Variants in ACSBG1 observed in about 807,000 individuals in gnomAD.
The protein encoded by ACSBG1 is acyl-CoA synthetase bubblegum family member 1, also known as long-chain-fatty-acid--CoA ligase ACSBG1.
Under a neutral mutation model 80.2 loss-of-function variants are expected in ACSBG1, and 39 were observed. That is an observed-to-expected ratio of 0.49 (90% CI 0.38 to 0.64). ACSBG1 has a LOEUF of 0.64. Among genes scored for constraint, ACSBG1 ranks in the 30% least tolerant of loss-of-function variants. The pLI is 0.00. For missense variants in ACSBG1, 828 were observed against 966.4 expected (o/e 0.86, Z 1.90); for synonymous variants, 392 against 379.5 (o/e 1.03, Z -0.38).
At chr15:78,220,778 T>G (rs1402223622) in intron 1 of ACSBG1, among the ~76,000 whole-genome samples, 1 of 152,244 alleles carries the variant, frequency 6.6e-6, no homozygotes, top group Non-Finnish European at 1.5e-5. Context: ...TAGCACTTCA[T>G]GCCTGGTAGG....
chr15:78,219,755 C>T lies in ACSBG1; in HGVS notation c.132-11653G>A, dbSNP rs182931465. On this transcript the variant is annotated intron_variant, in intron 1 of 13. Transcript: ENST00000258873. The stretch of plus-strand genomic sequence containing the variant: ...ATCCCAGCACTTTGGGAGGCTGAGG[C>T]AGGCGGATCACAAGGTCAGGAGATC... Among the ~76,000 whole-genome samples the T allele has an allele frequency of 2.3e-3, 354 of 152,270 alleles. 4 individuals carry two copies. Among genetic ancestry groups the T allele is most frequent in the African/African-American group, 8.1e-3 (336 of 41,546 alleles).
At chr15:78,174,697 G>A (rs1351078171) in intron 11 of ACSBG1, 173 bp from the exon 12 acceptor site, 3 of 685,714 alleles carry the variant, frequency 4.4e-6, no homozygotes, top group African/African-American at 3.7e-5. Context: ...CTGCTTGGGG[G>A]CTGGTGGCAG....
Position 78,178,848 on chromosome 15 carries a change from C to A in ACSBG1, c.1485-17G>T. ...TTGCCTGAGCTGGCGAGGGAGGGGC[C>A]GGGAGACTGGTCAGAGGGAGCCGTC... On this transcript the variant is annotated splice_polypyrimidine_tract_variant and intron_variant, in intron 10 of 13. Coordinates refer to ENST00000258873, the MANE Select transcript of ACSBG1 (RefSeq NM_015162.5). The surrounding 1 kb of genome is among the most constrained non-coding windows in gnomAD (Gnocchi z 4.3). The A allele has an allele frequency of 6.3e-7, 1 of 1,593,074 alleles. No homozygotes were observed. Among genetic ancestry groups the A allele is most frequent in the East Asian group, 2.3e-5 (1 of 43,820 alleles).
chr15:78,193,139 C>T (rs974664349), intron 5 of ACSBG1, among the ~76,000 whole-genome samples: 3 of 152,146 alleles, frequency 2.0e-5, no homozygotes, highest in African/African-American at 7.2e-5. Context: ...CAAGATGTCA[C>T]AGCCCTAAGC....
chr15:78,181,491 T>TTC (rs2074943414), intron 8 of ACSBG1, among the ~76,000 whole-genome samples: 1 of 68,200 alleles, frequency 1.5e-5, no homozygotes, highest in South Asian at 4.4e-4. Flanking sequence ...TCAGGTTTCT[T>TTC]TTTTTTTTTT....
chr15:78,186,414 G>A (rs914595001), intron 5 of ACSBG1, among the ~76,000 whole-genome samples: 2 of 151,998 alleles, frequency 1.3e-5, no homozygotes, highest in South Asian at 2.1e-4. Context: ...AACTGACCAC[G>A]TAGTTGGAAG....
In ACSBG1 at chr15:78,182,510, C is replaced by A; in HGVS notation, c.850G>T (p.Gly284Cys). 6.2e-7 allele frequency: 1 copy of A among 1,614,154 alleles called. No individual in the cohort carries two copies. The highest frequency in any genetic ancestry group is 8.5e-7 in the Non-Finnish European group (1 of 1,180,034). The change falls in exon 7 of 14, where the codon GGC becomes TGC. Residue 284 changes from glycine (G) to cysteine (C), a missense_variant. Gly to Cys is a radical substitution (Grantham distance 159). Coordinates refer to ENST00000258873, the MANE Select transcript of ACSBG1 (RefSeq NM_015162.5). ...NQCCVLVYTS[G>C]TTGNPKGVML... ...ACGCCCTTGGGGTTCCCAGTGGTGC[C>A]GGAAGTGTAGACTAGCACACAGCAC... is the stretch of plus-strand genomic sequence containing the variant.
chr15:78,174,515 A>G lies in ACSBG1; in HGVS notation c.1712T>C (p.Ile571Thr). The G allele has an allele frequency of 6.2e-7, 1 of 1,614,060 alleles. No individual in the cohort carries two copies. The highest frequency in any genetic ancestry group is 1.1e-5 in the South Asian group (1 of 91,058). Residue 571 changes from isoleucine to threonine, a missense_variant, in exon 12 of 14, where the codon ATC becomes ACC. Physicochemically the swap from Ile to Thr is moderately conservative, Grantham distance 89. Transcript: ENST00000258873. Reference sequence around the variant, plus strand: ...GGGCACATTCTCCCCACCAGCTGTGATGATTAATTCTGGGGAGGCAAGGCC... The same window carrying G: ...GGGCACATTCTCCCCACCAGCTGTGGTGATTAATTCTGGGGAGGCAAGGCC... Reference protein sequence around the residue: ...YITGRLKELIITAGGENVPPV... With the variant: ...YITGRLKELITTAGGENVPPV...
rs774009900 is a variant in ACSBG1, at chr15:78,178,617, T to A, written c.1699A>T (p.Lys567Ter). The change falls in exon 11 of 14, where the codon AAA becomes TAA. Residue 567 changes from lysine (K) to a stop codon, truncating the protein, a stop_gained. Transcript: ENST00000258873. LOFTEE classifies it high-confidence loss of function. The surrounding 1 kb of genome is among the most constrained non-coding windows in gnomAD (Gnocchi z 4.3). ...DGFLYITGRL[K>*]ELIITAGGEN... ...GTGCCTGGCCTGGGGTGCTCACCTT[T>A]GAGGCGCCCAGTGATGTAGAGGAAG... The A allele has an allele frequency of 6.2e-7, 1 of 1,609,510 alleles. No homozygotes were observed. Among genetic ancestry groups the A allele is most frequent in the South Asian group, 1.1e-5 (1 of 90,654 alleles).
intron 1 of ACSBG1, among the ~76,000 whole-genome samples, chr15:78,233,699 T>C (rs943824431): frequency 3.3e-5 from 5 of 152,178 alleles, no homozygotes; most frequent in African/African-American, 4.8e-5. Flanking sequence ...TGTGTGTGCG[T>C]GTGCGCGTGC....
At chr15:78,182,252 C>A (rs967782997) in intron 7 of ACSBG1, 107 bp from the exon 8 acceptor site, 1 of 1,433,974 alleles carries the variant, frequency 7.0e-7, no homozygotes, top group Non-Finnish European at 9.3e-7. Context: ...CCCCCTGTGG[C>A]GATTCTGCAG....
intron 5 of ACSBG1, among the ~76,000 whole-genome samples, chr15:78,183,568 A>G (rs2074970872): frequency 6.6e-6 from 1 of 152,210 alleles, no homozygotes; most frequent in African/African-American, 2.4e-5. Flanking sequence ...CTGTCTCAAA[A>G]CAAACAAACA....
intron 1 of ACSBG1, among the ~76,000 whole-genome samples, chr15:78,218,279 G>T (rs1051772484): frequency 1.1e-4 from 15 of 142,716 alleles, no homozygotes; most frequent in Non-Finnish European, 1.5e-4. Flanking sequence ...GGGGGTGGGA[G>T]TGGGGGTAGG....
At chr15:78,219,684 T>G (rs749784766) in intron 1 of ACSBG1, among the ~76,000 whole-genome samples, 1 of 8,532 alleles carries the variant, frequency 1.2e-4, no homozygotes, top group Non-Finnish European at 2.0e-4. Context: ...AAAATTTGTA[T>G]AAAAATTCAA....
intron 9 of ACSBG1, 68 bp from the exon 10 acceptor site, chr15:78,179,848 C>T: frequency 4.1e-6 from 5 of 1,226,982 alleles, no homozygotes; most frequent in East Asian, 5.2e-5. Flanking sequence ...CACACATACA[C>T]ACATTAAAAG....
intron 2 of ACSBG1, among the ~76,000 whole-genome samples, chr15:78,199,789 G>A (rs561652114): frequency 2.6e-5 from 4 of 151,908 alleles, no homozygotes; most frequent in Admixed American, 2.0e-4. Flanking sequence ...GAGCCACTGC[G>A]TCCAGCCAAA....
At chr15:78,181,841 G>T in intron 8 of ACSBG1, 128 bp downstream of exon 8, 1 of 1,266,084 alleles carries the variant, frequency 7.9e-7, no homozygotes, top group Non-Finnish European at 1.1e-6. Flanking sequence ...GCCCACTGCA[G>T]CTGACAGAAT....
At chr15:78,194,418 T>C in intron 3 of ACSBG1, 88 bp downstream of exon 3, 1 of 1,242,082 alleles carries the variant, frequency 8.1e-7, no homozygotes, top group Non-Finnish European at 1.1e-6. Flanking sequence ...CCTTGCCCAG[T>C]GGGCAGTTGG....
At chr15:78,215,186 A>G (rs2075297644) in intron 1 of ACSBG1, among the ~76,000 whole-genome samples, 1 of 152,194 alleles carries the variant, frequency 6.6e-6, no homozygotes, top group Non-Finnish European at 1.5e-5. Flanking sequence ...CTGAAGAGCT[A>G]AAGATGAACT....
Sources: allele counts gnomAD v4.1 joint callset (sites outside exome capture counted in the v4.1 genomes callset), GRCh38; gene constraint gnomAD v4.1.1; non-coding constraint Gnocchi (gnomAD v3.1); transcripts MANE v1.5; gene names NCBI Gene and HGNC (gene_info 2026-07-23, HGNC 2026-07-21).